Variants in EIF3M observed in about 807,000 individuals in gnomAD.
EIF3M encodes eukaryotic translation initiation factor 3 subunit M, also known as B5 receptor.
Under a neutral mutation model 49.7 loss-of-function variants are expected in EIF3M, and 25 were observed. That is an observed-to-expected ratio of 0.50 (90% CI 0.37 to 0.70). EIF3M has a LOEUF of 0.70. Among genes scored for constraint, EIF3M ranks in the 30% least tolerant of loss-of-function variants. EIF3M has a pLI of 0.00. For synonymous variants in EIF3M, 156 were observed against 149.8 expected (o/e 1.04, Z -0.30); for missense variants, 350 against 440.0 (o/e 0.80, Z 1.83).
intron 1 of EIF3M, among the ~76,000 whole-genome samples, chr11:32,586,016 G>A (rs1480988503): frequency 6.6e-6 from 1 of 152,178 alleles, no homozygotes; most frequent in Non-Finnish European, 1.5e-5. Context: ...GATCACCGGA[G>A]GTCAGGTGTT....
At chr11:32,600,881 T>C (rs1855251716) in intron 9 of EIF3M, 49 bp downstream of exon 9, 1 of 1,545,374 alleles carries the variant, frequency 6.5e-7, no homozygotes, top group Non-Finnish European at 8.7e-7. Context: ...TCTCATCTAC[T>C]ACATGGATCA....
chr11:32,589,722 C>A, intron 5 of EIF3M, 81 bp downstream of exon 5: 1 of 1,283,526 alleles, frequency 7.8e-7, no homozygotes, highest in Non-Finnish European at 1.1e-6. Flanking sequence ...GAAGTAGGGC[C>A]AGTAATTTTG....
At chr11:32,585,222 A>G (rs868866578) in intron 1 of EIF3M, among the ~76,000 whole-genome samples, 5 of 152,244 alleles carry the variant, frequency 3.3e-5, no homozygotes, top group Middle Eastern at 3.2e-3. Flanking sequence ...ATGAAAGACA[A>G]AAAGATACCT....
intron 1 of EIF3M, among the ~76,000 whole-genome samples, chr11:32,586,324 C>G (rs982674904): frequency 1.3e-5 from 2 of 152,086 alleles, no homozygotes; most frequent in Non-Finnish European, 2.9e-5. Context: ...ATATATAATT[C>G]GGTAGTAGGG....
Position 32,603,069 on chromosome 11 carries a change from T to C in EIF3M, c.*670T>C, listed in dbSNP as rs182178507. 2.9e-5 allele frequency: 42 copies of C among 1,457,756 alleles called. 1 individual carries two copies. The East Asian group carries it at 9.0e-4, about 31-fold the overall frequency. 90.3% of individuals were successfully genotyped at this position (1,457,756 alleles called of 1,614,324 possible). ...CCTTCGAAATTATTATACAAAAGAT[T>C]TTAAAGAGTCTGTAAAGCCTCTGCA... On this transcript the variant is annotated 3_prime_UTR_variant, in exon 11 of 11. Coordinates refer to ENST00000531120, the MANE Select transcript of EIF3M (RefSeq NM_006360.6).
At chr11:32,589,516 T>A in intron 4 of EIF3M, 31 bp from the exon 5 acceptor site, 1 of 1,579,456 alleles carries the variant, frequency 6.3e-7, no homozygotes, top group Non-Finnish European at 8.7e-7. Flanking sequence ...TATGTGTTAC[T>A]CAGTTTTCTC....
chr11:32,590,914 A>G (rs1180508266), intron 5 of EIF3M, among the ~76,000 whole-genome samples: 1 of 151,694 alleles, frequency 6.6e-6, no homozygotes, highest in African/African-American at 2.4e-5. Flanking sequence ...GCAGTGGCGC[A>G]ATCTCAGCTC....
At chr11:32,585,295 A>T (rs1303455196) in intron 1 of EIF3M, among the ~76,000 whole-genome samples, 2 of 147,664 alleles carry the variant, frequency 1.4e-5, no homozygotes, top group South Asian at 2.1e-4. Context: ...AGTGTTTGGA[A>T]TTTTTTTTTT....
chr11:32,584,585 G>C (rs79865162), intron 1 of EIF3M, among the ~76,000 whole-genome samples: 11,551 of 130,220 alleles, frequency 0.089, 521 homozygotes, highest in East Asian at 0.15. Flanking sequence ...TCCAGCCTGG[G>C]CGACAGAGCG....
chr11:32,600,774 C>T lies in EIF3M; in HGVS notation c.885C>T (p.Asp295=). ...TAGAAAATAAGGAAATTTCTTTTGA[C>T]ACAATGCAGCAAGAACTTCAGATTG... ...MAVENKEISF[D]TMQQELQIGA... is the part of the protein sequence containing the mutation. The change falls in exon 9 of 11, where the codon GAC becomes GAT. Residue 295 remains aspartate (D), a synonymous_variant. Coordinates refer to ENST00000531120, the MANE Select transcript of EIF3M (RefSeq NM_006360.6). The T allele has an allele frequency of 1.9e-6, 3 of 1,611,568 alleles. No homozygotes were observed. Among genetic ancestry groups the T allele is most frequent in the Non-Finnish European group, 2.5e-6 (3 of 1,178,392 alleles).
rs528369409 is a variant in EIF3M at position 32,603,240 on chromosome 11, CAAA to C, written c.*844_*846del. 465 of 424,544 alleles carry C rather than the reference CAAA, an allele frequency of 1.1e-3. No individual in the cohort carries two copies. Among genetic ancestry groups the C allele is most frequent in the Non-Finnish European group, 1.7e-3 (417 of 240,952 alleles). 26.3% of individuals were successfully genotyped at this position (424,544 alleles called of 1,614,324 possible). A position where few individuals can be genotyped will look rare whatever the true frequency, so the allele number is the denominator to read the frequency against. On this transcript the variant is annotated 3_prime_UTR_variant, in exon 11 of 11. Transcript: ENST00000531120. ...TAATATATAACTGAAGTAAAGTGTA[CAAA>C]AACTGCCTTTTACTACTTCATGTTT...
Position 32,602,943 on chromosome 11 carries a change from A to C in EIF3M, c.*544A>C, listed in dbSNP as rs1260157273. On this transcript the variant is annotated 3_prime_UTR_variant, in exon 11 of 11. Coordinates refer to ENST00000531120, the MANE Select transcript of EIF3M (RefSeq NM_006360.6). ...TAATGAGGCTCTGCCAGTCATCATC[A>C]CCAGAAGTATTTTTAGTCGTCTTGA... 6.2e-7 allele frequency: 1 copy of C among 1,613,552 alleles called. No homozygotes were observed. The highest frequency in any genetic ancestry group is 8.5e-7 in the Non-Finnish European group (1 of 1,179,758).
chr11:32,594,188 A>G (rs964097609), intron 6 of EIF3M: 11 of 320,192 alleles, frequency 3.4e-5, no homozygotes, highest in African/African-American at 2.1e-4. Context: ...TATTGCTGGT[A>G]TGGGGATGAT....
intron 1 of EIF3M, among the ~76,000 whole-genome samples, chr11:32,586,484 C>T (rs889710583): frequency 6.6e-6 from 1 of 152,304 alleles, no homozygotes; most frequent in Non-Finnish European, 1.5e-5. Flanking sequence ...GCATTCACCG[C>T]ATTGCCCTTT....
intron 5 of EIF3M, 58 bp downstream of exon 5, chr11:32,589,699 T>A: frequency 1.3e-6 from 2 of 1,525,536 alleles, no homozygotes; most frequent in South Asian, 2.3e-5. Context: ...TAGGTGGGGA[T>A]GTTTTTTAAA....
At chr11:32,593,721 T>C in intron 5 of EIF3M, 145 bp from the exon 6 acceptor site, 1 of 443,908 alleles carries the variant, frequency 2.3e-6, no homozygotes, top group East Asian at 3.6e-5. Context: ...AAAGGAAGGT[T>C]TTATGACTTT....
At chr11:32,585,651 G>T (rs1854984063) in intron 1 of EIF3M, among the ~76,000 whole-genome samples, 1 of 152,090 alleles carries the variant, frequency 6.6e-6, no homozygotes, top group Non-Finnish European at 1.5e-5. Flanking sequence ...ATGATTTCTG[G>T]AGGTATTTTT....
rs144431265 is a variant in EIF3M, at chr11:32,589,575, T to C, written c.467T>C (p.Leu156Pro). 21 of 1,614,074 alleles carry C rather than the reference T, an allele frequency of 1.3e-5. No homozygotes were observed. The highest frequency in any genetic ancestry group is 1.8e-5 in the Non-Finnish European group (21 of 1,180,042). The change falls in exon 5 of 11, where the codon CTC becomes CCC. Residue 156 changes from leucine to proline, a missense_variant. Physicochemically the swap from Leu to Pro is moderately conservative, Grantham distance 98 (BLOSUM62 -3). Coordinates refer to ENST00000531120, the MANE Select transcript of EIF3M (RefSeq NM_006360.6). Reference protein sequence around the residue: ...QVRKWISDWNLTTEKKHTLLR... With the variant: ...QVRKWISDWNPTTEKKHTLLR... ...AGAAAATGGATTTCTGACTGGAATCTCACCACTGAAAAAAAGCACACCCTT... is the reference window on the plus strand; with the variant it reads ...AGAAAATGGATTTCTGACTGGAATCCCACCACTGAAAAAAAGCACACCCTT...
At chr11:32,590,950 A>G (rs1347101513) in intron 5 of EIF3M, among the ~76,000 whole-genome samples, 2 of 151,822 alleles carry the variant, frequency 1.3e-5, no homozygotes, top group Non-Finnish European at 2.9e-5. Flanking sequence ...TCCCGGGTTC[A>G]TGCCATTCTC....
Sources: allele counts gnomAD v4.1 joint callset (sites outside exome capture counted in the v4.1 genomes callset), GRCh38; gene constraint gnomAD v4.1.1; transcripts MANE v1.5; gene names NCBI Gene and HGNC (gene_info 2026-07-23, HGNC 2026-07-21).